The following ANKS1B variants were observed in gnomAD, a reference collection of about 807,000 sequenced individuals.
ANKS1B encodes ankyrin repeat and sterile alpha motif domain containing 1B, also known as ankyrin repeat and sterile alpha motif domain-containing protein 1B.
Under a neutral mutation model 148.3 loss-of-function variants are expected in ANKS1B, and 36 were observed. The ratio of observed to expected loss-of-function variants is 0.24; its 90% CI spans 0.19 to 0.32. ANKS1B has a LOEUF of 0.32. Among genes scored for constraint, ANKS1B ranks in the 10% least tolerant of loss-of-function variants. The pLI is 1.00. For missense variants in ANKS1B, 1,157 were observed against 1,542.6 expected (o/e 0.75, Z 4.19); for synonymous variants, 542 against 560.8 (o/e 0.97, Z 0.47).
intron 1 of ANKS1B, among the ~76,000 whole-genome samples, chr12:99,877,451 G>A (rs2092187649): frequency 6.6e-6 from 1 of 152,116 alleles, no homozygotes; most frequent in African/African-American, 2.4e-5. Context: ...TGTCTATGGT[G>A]TAAACCAAGA....
chr12:99,694,059 G>A (rs1328959488), intron 8 of ANKS1B, among the ~76,000 whole-genome samples: 4 of 150,592 alleles, frequency 2.7e-5, no homozygotes, highest in South Asian at 4.2e-4. Context: ...GATTACAGGC[G>A]TGAGCCACCA....
At chr12:99,279,307 T>G (rs1444091993) in intron 12 of ANKS1B, among the ~76,000 whole-genome samples, 1 of 152,252 alleles carries the variant, frequency 6.6e-6, no homozygotes, top group African/African-American at 2.4e-5. Context: ...AAAGGGCTAT[T>G]GAGATATAAT....
chr12:98,898,434 AT>A (rs2099767768), intron 17 of ANKS1B, among the ~76,000 whole-genome samples: 1 of 152,126 alleles, frequency 6.6e-6, no homozygotes, highest in Admixed American at 6.5e-5. Flanking sequence ...AATTTTAGAT[AT>A]TTTTAGGTAC....
chr12:99,755,594 CAA>C (rs369571107), intron 8 of ANKS1B, among the ~76,000 whole-genome samples: 3,433 of 123,174 alleles, frequency 0.028, 62 homozygotes, highest in Non-Finnish European at 0.037. Flanking sequence ...CAAAAATCCT[CAA>C]AAAAAAAAAA....
intron 17 of ANKS1B, among the ~76,000 whole-genome samples, chr12:98,903,490 G>C (rs568504505): frequency 6.6e-6 from 1 of 152,308 alleles, no homozygotes; most frequent in East Asian, 1.9e-4. Context: ...GGTATTACCA[G>C]GGTGCCAGGT....
chr12:99,723,463 G>A (rs2058306245), intron 8 of ANKS1B, among the ~76,000 whole-genome samples: 1 of 152,128 alleles, frequency 6.6e-6, no homozygotes. Context: ...TCCAACTCCA[G>A]GCAGGGGCTC....
chr12:99,726,804 C>T (rs1204344805), intron 8 of ANKS1B, among the ~76,000 whole-genome samples: 1 of 152,198 alleles, frequency 6.6e-6, no homozygotes, highest in Non-Finnish European at 1.5e-5. Context: ...ATCAAGTTGA[C>T]TTCATCCCTG....
intron 18 of ANKS1B, 132 bp downstream of exon 18, chr12:98,831,897 G>T: frequency 1.3e-6 from 1 of 781,274 alleles, no homozygotes; most frequent in Non-Finnish European, 2.2e-6. Context: ...CTACAGACAG[G>T]CACAACCACA....
chr12:99,259,959 C>T (rs2075748732), intron 12 of ANKS1B, among the ~76,000 whole-genome samples: 1 of 152,166 alleles, frequency 6.6e-6, no homozygotes, highest in African/African-American at 2.4e-5. Flanking sequence ...TGAATAACTA[C>T]ATCAGAACCA....
chr12:99,599,331 G>C (rs561282605), intron 9 of ANKS1B, among the ~76,000 whole-genome samples: 1 of 152,200 alleles, frequency 6.6e-6, no homozygotes, highest in South Asian at 2.1e-4. Flanking sequence ...CATGAGAAAT[G>C]TGGCAGGTGG....
chr12:99,576,079 A>T (rs1440959169), intron 9 of ANKS1B, among the ~76,000 whole-genome samples: 3 of 152,126 alleles, frequency 2.0e-5, no homozygotes, highest in Admixed American at 1.3e-4. Context: ...CAGAAAACAC[A>T]AAAGGGCAGA....
At chr12:99,733,739 T>C (rs1029310551) in intron 8 of ANKS1B, among the ~76,000 whole-genome samples, 2 of 152,352 alleles carry the variant, frequency 1.3e-5, no homozygotes, top group East Asian at 1.9e-4. Context: ...CAAGATCAAA[T>C]TGAATTTTTA....
chr12:99,712,176 A>G (rs1600331385), intron 8 of ANKS1B, among the ~76,000 whole-genome samples: 1 of 152,198 alleles, frequency 6.6e-6, no homozygotes, highest in Admixed American at 6.6e-5. Context: ...GGGGAACAAC[A>G]TATTATTTTT....
intron 8 of ANKS1B, among the ~76,000 whole-genome samples, chr12:99,675,453 T>A (rs969583829): frequency 9.0e-4 from 137 of 152,096 alleles, no homozygotes; most frequent in African/African-American, 3.1e-3. Flanking sequence ...TGCACTGTTT[T>A]AAAAAGTAGT....
chr12:99,159,059 A>G (rs975293500), intron 14 of ANKS1B, among the ~76,000 whole-genome samples: 1 of 152,098 alleles, frequency 6.6e-6, no homozygotes, highest in African/African-American at 2.4e-5. Flanking sequence ...CTGCTTACAT[A>G]TAGGGTAGAG....
At chr12:99,340,363 C>T (rs1284232787) in intron 12 of ANKS1B, among the ~76,000 whole-genome samples, 1 of 152,106 alleles carries the variant, frequency 6.6e-6, no homozygotes, top group African/African-American at 2.4e-5. Flanking sequence ...CTGCCAATTA[C>T]TAGTTTCTCT....
intron 10 of ANKS1B, among the ~76,000 whole-genome samples, chr12:99,473,781 T>C (rs2096276557): frequency 6.6e-6 from 1 of 152,096 alleles, no homozygotes; most frequent in Non-Finnish European, 1.5e-5. Context: ...GTTGTTGTCT[T>C]TTCCTTACTT....
rs2093850176 is a variant in ANKS1B, at chr12:99,386,148, T to C, written c.1756+13483A>G. 5 of 152,192 alleles carry C rather than the reference T, an allele frequency of 3.3e-5. No homozygotes were observed. The South Asian group carries it at 1.0e-3, about 31-fold the overall frequency. The allele number at this position is 152,192 out of a possible 1,614,324, so 9.4% of individuals were successfully genotyped here. A position where few individuals can be genotyped will look rare whatever the true frequency, so the allele number is the denominator to read the frequency against. On this transcript the variant is annotated intron_variant, in intron 12 of 26. Transcript: ENST00000683438. ...CCAAAAAAGCAGATAACACAAAAATTACATCTTTGACTCCGGAATAAATGT... is the reference window on the plus strand; with the variant it reads ...CCAAAAAAGCAGATAACACAAAAATCACATCTTTGACTCCGGAATAAATGT...
chr12:99,767,827 C>T (rs2062798071), intron 8 of ANKS1B, among the ~76,000 whole-genome samples: 1 of 148,608 alleles, frequency 6.7e-6, no homozygotes. Context: ...ACATGCAAAA[C>T]CTCCAATTGA....
Sources: gnomAD v4.1 joint callset for allele counts (sites outside exome capture counted in the v4.1 genomes callset) on GRCh38, gnomAD v4.1.1 for gene constraint, MANE v1.5 for transcripts, NCBI Gene and HGNC (gene_info 2026-07-23, HGNC 2026-07-21) for gene names.